MINDY2: variants seen among roughly 807,000 people sequenced by gnomAD.
MINDY2 encodes the protein ubiquitin carboxyl-terminal hydrolase MINDY-2.
MINDY2 carries 52 observed loss-of-function variants against 68.2 expected under a neutral mutation model. The observed-to-expected ratio is 0.76, with a 90% CI of 0.61 to 0.96. The LOEUF (loss-of-function observed/expected upper bound fraction) is 0.96, where lower values mean the gene tolerates loss of function less well. MINDY2 is among the 40% of genes least tolerant of loss of function. The probability of loss-of-function intolerance (pLI) is 0.00; values close to 1 mark genes in which losing one functional copy is unlikely to be tolerated. For missense variants in MINDY2, 881 were observed against 773.4 expected (o/e 1.14, Z -1.65); for synonymous variants, 372 against 303.0 (o/e 1.23, Z -2.36).
chr15:58,773,009 C>G (rs1305889589), intron 1 of MINDY2, among the ~76,000 whole-genome samples: 2 of 152,094 alleles, frequency 1.3e-5, no homozygotes, highest in Middle Eastern at 3.2e-3. Flanking sequence ...GGACTCAGAG[C>G]GAGTTACCTG....
At chr15:58,820,772 G>T (rs2031009779) in intron 4 of MINDY2, among the ~76,000 whole-genome samples, 1 of 152,102 alleles carries the variant, frequency 6.6e-6, no homozygotes, top group Non-Finnish European at 1.5e-5. Context: ...TGTGAGTATT[G>T]TGCAGATATA....
chr15:58,818,170 C>A (rs918193379), intron 4 of MINDY2, among the ~76,000 whole-genome samples: 2 of 152,036 alleles, frequency 1.3e-5, no homozygotes, highest in African/African-American at 4.8e-5. Context: ...AAGCATAAAC[C>A]ATTTTGCTCA....
chr15:58,809,518 A>G (rs147354632), intron 3 of MINDY2, among the ~76,000 whole-genome samples: 1 of 152,292 alleles, frequency 6.6e-6, no homozygotes, highest in Non-Finnish European at 1.5e-5. Flanking sequence ...TAATGTTGCA[A>G]TGAGCGTGGG....
At chr15:58,851,482 A>C (rs2032810018) in intron 7 of MINDY2, among the ~76,000 whole-genome samples, 2 of 151,408 alleles carry the variant, frequency 1.3e-5, no homozygotes, top group South Asian at 4.2e-4. Flanking sequence ...TCTGTCACCC[A>C]TGCTGGGGTG....
intron 5 of MINDY2, among the ~76,000 whole-genome samples, chr15:58,824,091 A>G (rs538855511): frequency 1.1e-4 from 16 of 152,338 alleles, no homozygotes; most frequent in African/African-American, 3.4e-4. Flanking sequence ...AAACTGACTT[A>G]TGGAGTATGA....
intron 2 of MINDY2, among the ~76,000 whole-genome samples, chr15:58,796,698 T>G (rs1331635885): frequency 6.6e-6 from 1 of 152,174 alleles, no homozygotes; most frequent in Admixed American, 6.5e-5. Flanking sequence ...AATTTTTGTA[T>G]TTTTCGTAGA....
At chr15:58,786,889 G>C (rs534684126) in intron 1 of MINDY2, among the ~76,000 whole-genome samples, 7 of 152,210 alleles carry the variant, frequency 4.6e-5, no homozygotes, top group African/African-American at 1.7e-4. Context: ...GAGTGCAATG[G>C]TGCATTCTTG....
intron 2 of MINDY2, among the ~76,000 whole-genome samples, chr15:58,799,230 G>C (rs1028028624): frequency 6.6e-6 from 1 of 152,212 alleles, no homozygotes; most frequent in Non-Finnish European, 1.5e-5. Context: ...GTTCTGTTGA[G>C]ATTACTCCAT....
At chr15:58,794,651 A>C (rs984260569) in intron 2 of MINDY2, among the ~76,000 whole-genome samples, 6 of 152,064 alleles carry the variant, frequency 3.9e-5, no homozygotes, top group African/African-American at 1.2e-4. Flanking sequence ...GACAGGAGCA[A>C]GTGGATACCT....
chr15:58,780,234 T>A (rs887969279), intron 1 of MINDY2, among the ~76,000 whole-genome samples: 1 of 151,824 alleles, frequency 6.6e-6, no homozygotes, highest in Non-Finnish European at 1.5e-5. Flanking sequence ...GAGAAACCCC[T>A]TCTCTACTAA....
At chr15:58,821,924 C>T (rs546835534) in intron 5 of MINDY2, 105 bp downstream of exon 5, 1 of 692,430 alleles carries the variant, frequency 1.4e-6, no homozygotes, top group East Asian at 3.7e-5. Context: ...CTAAAAAACA[C>T]ATGTTATATT....
intron 7 of MINDY2, among the ~76,000 whole-genome samples, chr15:58,848,294 T>G (rs2032636360): frequency 1.3e-5 from 2 of 152,192 alleles, no homozygotes; most frequent in South Asian, 4.1e-4. Flanking sequence ...TGAGGAGTTG[T>G]ATTCCTGGCA....
intron 2 of MINDY2, among the ~76,000 whole-genome samples, chr15:58,789,890 G>A (rs754269053): frequency 4.0e-5 from 6 of 151,794 alleles, no homozygotes; most frequent in Non-Finnish European, 5.9e-5. Context: ...CAGGTGATCC[G>A]CCCACCTGAG....
At chr15:58,849,227 G>T (rs2032694059) in intron 7 of MINDY2, among the ~76,000 whole-genome samples, 1 of 151,664 alleles carries the variant, frequency 6.6e-6, no homozygotes, top group South Asian at 2.1e-4. Flanking sequence ...AAAAGGCTGG[G>T]CACGGTGGCT....
intron 4 of MINDY2, among the ~76,000 whole-genome samples, chr15:58,818,363 A>T (rs1362327643): frequency 3.3e-5 from 5 of 152,088 alleles, no homozygotes; most frequent in African/African-American, 1.2e-4. Context: ...GGCTTAAGCA[A>T]TCCTGTCTCA....
chr15:58,851,902 TCAATA>T lies in MINDY2; in HGVS notation c.1676_1680del (p.Gln559LeufsTer37). 1 of 1,611,490 alleles carries T rather than the reference TCAATA, an allele frequency of 6.2e-7. No homozygotes were observed. Among genetic ancestry groups the T allele is most frequent in the South Asian group, 1.1e-5 (1 of 90,602 alleles). On this transcript the variant is annotated frameshift_variant, in exon 8 of 9. Transcript: ENST00000559228. LOFTEE classifies it high-confidence loss of function. ...AAGAGGAAGAGGACAGACGGGCTTC[TCAATA>T]CTATCAGGAACAGGAACAAGCAGCA...
intron 5 of MINDY2, among the ~76,000 whole-genome samples, chr15:58,830,732 C>G (rs1004237786): frequency 6.6e-6 from 1 of 152,070 alleles, no homozygotes; most frequent in African/African-American, 2.4e-5. Context: ...CAACAGAAAG[C>G]ATAAAAATGT....
chr15:58,836,534 C>T (rs2032001611), intron 6 of MINDY2, among the ~76,000 whole-genome samples: 1 of 152,102 alleles, frequency 6.6e-6, no homozygotes, highest in African/African-American at 2.4e-5. Context: ...TTCCTATATT[C>T]CTATTGTACC....
Position 58,771,968 on chromosome 15 carries a change from C to G in MINDY2, c.573C>G (p.Phe191Leu), listed in dbSNP as rs1188944417. 1 of 1,571,226 alleles carries G rather than the reference C, an allele frequency of 6.4e-7. No homozygotes were observed. The highest frequency in any genetic ancestry group is 8.6e-7 in the Non-Finnish European group (1 of 1,160,846). Residue 191 changes from phenylalanine (F) to leucine (L), a missense_variant, in exon 1 of 9, where the codon TTC becomes TTG. Transcript: ENST00000559228. Reference sequence around the variant, plus strand: ...ATTCTTTTCCCAGTAGCTGCGAGTTCAATAGTGAGGAGGGAGCGGAGAACA... The same window carrying G: ...ATTCTTTTCCCAGTAGCTGCGAGTTGAATAGTGAGGAGGGAGCGGAGAACA... ...NLHSFPSSCE[F>L]NSEEGAENRV...
Sources: gnomAD v4.1 joint callset for allele counts (sites outside exome capture counted in the v4.1 genomes callset) on GRCh38, gnomAD v4.1.1 for gene constraint, MANE v1.5 for transcripts, NCBI Gene and HGNC (gene_info 2026-07-23, HGNC 2026-07-21) for gene names.